The following GABRG3 variants were observed in gnomAD, a reference collection of about 807,000 sequenced individuals.
GABRG3 encodes the protein gamma-aminobutyric acid type A receptor subunit gamma3, also known as gamma-aminobutyric acid receptor subunit gamma-3.
In GABRG3, 25 loss-of-function variants were observed where a neutral mutation model predicts 48.8. The observed-to-expected ratio is 0.51, with a 90% CI of 0.37 to 0.72. The LOEUF (loss-of-function observed/expected upper bound fraction) is 0.72, where lower values mean the gene tolerates loss of function less well. Ranked by LOEUF, GABRG3 falls within the 30% of genes least tolerant of loss-of-function variation. GABRG3 has a pLI of 0.00. For missense variants in GABRG3, 394 were observed against 577.9 expected, an observed-to-expected ratio of 0.68 and a Z score of 3.26; for synonymous variants, 227 against 217.6, an observed-to-expected ratio of 1.04 and a Z score of -0.38.
At chr15:27,293,856 ATC>A (rs1189512930) in intron 3 of GABRG3, among the ~76,000 whole-genome samples, 2 of 152,232 alleles carry the variant, frequency 1.3e-5, no homozygotes, top group African/African-American at 4.8e-5. Flanking sequence ...CACATCAGTG[ATC>A]TAAACAGACA....
chr15:27,402,910 A>G (rs999182171), intron 5 of GABRG3, among the ~76,000 whole-genome samples: 5 of 152,090 alleles, frequency 3.3e-5, no homozygotes, highest in African/African-American at 1.2e-4. Context: ...CTGCCTATAC[A>G]TGGGGTCAAC....
chr15:27,306,531 CAT>C lies in GABRG3; in HGVS notation c.271-20276_271-20275del, dbSNP rs1187573621. ...TATATATAAACATATATAATATAAA[CAT>C]AAACATATAATATAAACATATATAA... On this transcript the variant is annotated intron_variant, in intron 3 of 9. Transcript: ENST00000615808. Among the ~76,000 whole-genome samples, 51 of 132,858 alleles carry C rather than the reference CAT, an allele frequency of 3.8e-4. 1 individual carries two copies. Among genetic ancestry groups the C allele is most frequent in the East Asian group, 3.2e-3 (14 of 4,364 alleles). The allele number at this position is 132,858 out of a possible 152,430, so 87.2% of individuals were successfully genotyped here.
intron 3 of GABRG3, among the ~76,000 whole-genome samples, chr15:27,247,300 C>A (rs964489870): frequency 1.3e-4 from 20 of 152,054 alleles, no homozygotes; most frequent in African/African-American, 4.6e-4. Context: ...GCCCCTCTAA[C>A]CCTCGGGCTT....
At chr15:27,412,681 T>G (rs938126051) in intron 5 of GABRG3, among the ~76,000 whole-genome samples, 1 of 152,210 alleles carries the variant, frequency 6.6e-6, no homozygotes, top group Non-Finnish European at 1.5e-5. Context: ...TCTTAGACCT[T>G]TGTGCTGAGC....
In GABRG3 at chr15:27,074,340, CAA is replaced by C. The variant is rs936937400; in HGVS notation, c.270+47520_270+47521del. Among the ~76,000 whole-genome samples the C allele has an allele frequency of 3.8e-4, 55 of 145,600 alleles. 1 individual carries two copies. Among genetic ancestry groups the C allele is most frequent in the African/African-American group, 1.2e-3 (47 of 38,892 alleles). On this transcript the variant is annotated intron_variant, in intron 3 of 9. Transcript: ENST00000615808. The stretch of plus-strand genomic sequence containing the variant: ...ACAAGGCTGTGTTTCGTCAGAGCCC[CAA>C]GAGAGAGAGTGTTCCAGCAAGGTGG...
chr15:27,190,703 G>A (rs11636587), intron 3 of GABRG3, among the ~76,000 whole-genome samples: 37,446 of 151,708 alleles, frequency 0.25, 5,226 homozygotes, highest in South Asian at 0.44. Context: ...ATTTTTTGAA[G>A]GGTTTTTTGT....
chr15:27,099,490 A>G (rs1051163575), intron 3 of GABRG3, among the ~76,000 whole-genome samples: 13 of 152,108 alleles, frequency 8.5e-5, no homozygotes, highest in South Asian at 8.3e-4. Context: ...TTCTTTTTGT[A>G]TTAGATTAGA....
At chr15:27,516,756 T>G (rs929348289) in intron 6 of GABRG3, among the ~76,000 whole-genome samples, 8 of 152,176 alleles carry the variant, frequency 5.3e-5, no homozygotes, top group African/African-American at 1.9e-4. Context: ...AATGAATAAG[T>G]AAGTAAATAG....
chr15:27,335,575 A>G (rs1227051852), intron 5 of GABRG3, among the ~76,000 whole-genome samples: 1 of 152,188 alleles, frequency 6.6e-6, no homozygotes, highest in East Asian at 1.9e-4. Context: ...AAATAAGGCC[A>G]ACAAAAAAGG....
intron 5 of GABRG3, among the ~76,000 whole-genome samples, chr15:27,439,098 T>TTAG (rs1888704232): frequency 6.6e-6 from 1 of 152,190 alleles, no homozygotes; most frequent in Non-Finnish European, 1.5e-5. Context: ...TCCTCTCTAC[T>TTAG]TCTAATGCAA....
chr15:27,510,887 G>A (rs1890880309), intron 6 of GABRG3, among the ~76,000 whole-genome samples: 1 of 151,622 alleles, frequency 6.6e-6, no homozygotes, highest in Admixed American at 6.6e-5. Flanking sequence ...TTCAAAATAT[G>A]TAATACTTTA....
rs1387667643 is a variant in GABRG3, at chr15:27,540,655, C to T, written c.*7774C>T. 6.6e-6 allele frequency: 1 copy of T among 152,174 alleles called. No homozygotes were observed. Among genetic ancestry groups the T allele is most frequent in the African/African-American group, 2.4e-5 (1 of 41,426 alleles). The allele number at this position is 152,174 out of a possible 1,614,324, so 9.4% of individuals were successfully genotyped here. On this transcript the variant is annotated 3_prime_UTR_variant, in exon 10 of 10. Transcript: ENST00000615808. ...AGTGAACCAAGTTTACCTGCTCACA[C>T]GTTTGTACAACTACACAATGTGTTT...
At chr15:27,339,842 C>T (rs920035584) in intron 5 of GABRG3, among the ~76,000 whole-genome samples, 2 of 152,206 alleles carry the variant, frequency 1.3e-5, no homozygotes, top group African/African-American at 4.8e-5. Context: ...GGGGACTTCT[C>T]ACTTTGAAGG....
rs1896902452 is a variant in GABRG3 at position 27,075,926 on chromosome 15, C to T, written c.270+49105C>T. On this transcript the variant is annotated intron_variant, in intron 3 of 9. Transcript: ENST00000615808. Reference sequence around the variant, plus strand: ...TGCTATGTGTCTGTTCTACCATGTGCTGGTCCTTTCCACAGTGCGAGTCAC... The same window carrying T: ...TGCTATGTGTCTGTTCTACCATGTGTTGGTCCTTTCCACAGTGCGAGTCAC... Among the ~76,000 whole-genome samples, 3 of 152,312 alleles carry T rather than the reference C, an allele frequency of 2.0e-5. No homozygotes were observed. The South Asian group carries it at 6.2e-4, about 32-fold the overall frequency.
chr15:26,981,854 T>C (rs1895061219), intron 2 of GABRG3, among the ~76,000 whole-genome samples: 1 of 152,208 alleles, frequency 6.6e-6, no homozygotes, highest in African/African-American at 2.4e-5. Flanking sequence ...GACTCCAGCA[T>C]GTCTGTAGCA....
At chr15:27,041,292 C>T (rs1360489555) in intron 3 of GABRG3, among the ~76,000 whole-genome samples, 1 of 152,188 alleles carries the variant, frequency 6.6e-6, no homozygotes, top group Non-Finnish European at 1.5e-5. Context: ...AAGCGATCTT[C>T]TTACCTCAGC....
At chr15:27,505,235 T>G (rs911009658) in intron 6 of GABRG3, among the ~76,000 whole-genome samples, 1 of 152,182 alleles carries the variant, frequency 6.6e-6, no homozygotes, top group African/African-American at 2.4e-5. Context: ...TGTTAGACAC[T>G]TCTCATTGTA....
intron 5 of GABRG3, among the ~76,000 whole-genome samples, chr15:27,334,650 T>C (rs570258195): frequency 6.6e-6 from 1 of 152,302 alleles, no homozygotes; most frequent in Admixed American, 6.5e-5. Context: ...CATATATCAT[T>C]ACTCTATCAA....
At position 27,352,392 on chromosome 15, in the gene GABRG3, G is replaced by C. The variant is rs1894652411; in HGVS notation, c.574+23504G>C. Among the ~76,000 whole-genome samples the C allele has an allele frequency of 6.6e-6, 1 of 151,980 alleles. No individual in the cohort carries two copies. Among genetic ancestry groups the C allele is most frequent in the Admixed American group, 6.5e-5 (1 of 15,270 alleles). On this transcript the variant is annotated intron_variant, in intron 5 of 9. Coordinates refer to ENST00000615808, the MANE Select transcript of GABRG3 (RefSeq NM_033223.5). This position sits in a 1 kb window ranked among gnomAD's most constrained non-coding sequence, Gnocchi z 4.0. ...TCTGCCAATTTCTCTTATTCCGTTA[G>C]CTGAAGCTTAGAAAAATAACCCAGG... is the stretch of plus-strand genomic sequence containing the variant.
Sources: allele counts gnomAD v4.1 joint callset (sites outside exome capture counted in the v4.1 genomes callset), GRCh38; gene constraint gnomAD v4.1.1; non-coding constraint Gnocchi (gnomAD v3.1); transcripts MANE v1.5; gene names NCBI Gene and HGNC (gene_info 2026-07-23, HGNC 2026-07-21).